The following RAPH1 variants were observed in gnomAD, a reference collection of about 807,000 sequenced individuals.
RAPH1 encodes ras-associated and pleckstrin homology domains-containing protein 1.
A neutral mutation model predicts 88.1 loss-of-function variants in RAPH1; 18 were observed. The observed-to-expected ratio is 0.20, with a 90% CI of 0.14 to 0.30. The LOEUF (loss-of-function observed/expected upper bound fraction) is 0.30. RAPH1 is among the 10% of genes least tolerant of loss of function. RAPH1 has a pLI of 1.00. For missense variants in RAPH1, 1,448 were observed against 1,543.2 expected, an observed-to-expected ratio of 0.94 and a Z score of 1.03; for synonymous variants, 587 against 559.0, an observed-to-expected ratio of 1.05 and a Z score of -0.71.
rs746456126 is a variant in RAPH1 at position 203,440,841 on chromosome 2, C to T, written c.2349G>A (p.Val783=). 70 of 1,473,258 alleles carry T rather than the reference C, an allele frequency of 4.8e-5. No individual in the cohort carries two copies. The highest frequency in any genetic ancestry group is 6.0e-5 in the Non-Finnish European group (65 of 1,088,266). 91.3% of individuals were successfully genotyped at this position (1,473,258 alleles called of 1,614,324 possible). The change falls in exon 14 of 14, where the codon GTG becomes GTA. Residue 783 remains valine (V), a synonymous_variant. Coordinates refer to ENST00000319170, the MANE Select transcript of RAPH1 (RefSeq NM_213589.3). ...LPPQAPPKPL[V]TIPAPTSTKT... is the part of the protein sequence containing the mutation. ...TGGTGCTGGTTGGTGCGGGGATGGT[C>T]ACAAGGGGTTTTGGGGGAGCTTGGG...
At chr2:203,510,811 A>C (rs913120370) in intron 1 of RAPH1, among the ~76,000 whole-genome samples, 6 of 152,122 alleles carry the variant, frequency 3.9e-5, no homozygotes, top group African/African-American at 1.4e-4. Flanking sequence ...AAAAGAGTAA[A>C]TGTTTGGGAG....
chr2:203,505,097 T>C (rs1688921893), intron 1 of RAPH1, among the ~76,000 whole-genome samples: 1 of 152,256 alleles, frequency 6.6e-6, no homozygotes, highest in Non-Finnish European at 1.5e-5. Context: ...TTCCAGCCTC[T>C]GCCTGTTACC....
At position 203,495,356 on chromosome 2, in the gene RAPH1, GA is replaced by G; in HGVS notation, c.1-4del. ...TCTTCATCTGATAGCTGCTCCATCTGAAATACAGACATTTGTGTAGAATGAA... is the reference window on the plus strand; with the variant it reads ...TCTTCATCTGATAGCTGCTCCATCTGAATACAGACATTTGTGTAGAATGAA... On this transcript the variant is annotated splice_region_variant and splice_polypyrimidine_tract_variant and intron_variant, in intron 1 of 13. Transcript: ENST00000319170. 6.2e-7 allele frequency: 1 copy of G among 1,613,730 alleles called. No homozygotes were observed. Among genetic ancestry groups the G allele is most frequent in the Non-Finnish European group, 8.5e-7 (1 of 1,179,918 alleles).
intron 1 of RAPH1, among the ~76,000 whole-genome samples, chr2:203,513,771 G>T (rs1269485933): frequency 6.8e-6 from 1 of 147,064 alleles, no homozygotes; most frequent in Admixed American, 6.8e-5. Flanking sequence ...GGAGGTAGAG[G>T]TTGCAGTGAG....
Position 203,495,285 on chromosome 2 carries a change from G to T in RAPH1, c.69C>A (p.Asp23Glu). 6.2e-7 allele frequency: 1 copy of T among 1,614,026 alleles called. No homozygotes were observed. Reference protein sequence around the residue: ...AEEDSDKEDQDLDKMFGAWLG... With the variant: ...AEEDSDKEDQELDKMFGAWLG... ...GCCAGGCTCCAAACATTTTGTCCAG[G>T]TCCTGATCTTCCTTGTCACTGTCTT... Residue 23 changes from aspartate to glutamate, a missense_variant, in exon 2 of 14, where the codon GAC (aspartate) becomes GAA (glutamate). By Grantham distance (45) the Asp-to-Glu change is conservative. Around this residue, in one of 2 missense-constraint regions of RAPH1, gnomAD observed 513 missense variants for 653.1 expected, o/e 0.79. Transcript: ENST00000319170.
At chr2:203,481,568 A>T (rs1687720589) in intron 4 of RAPH1, among the ~76,000 whole-genome samples, 1 of 138,122 alleles carries the variant, frequency 7.2e-6, no homozygotes. Context: ...TAAATAGATG[A>T]ATATATATAT....
At chr2:203,477,103 G>T in intron 4 of RAPH1, 2 of 1,613,892 alleles carry the variant, frequency 1.2e-6, no homozygotes, top group Non-Finnish European at 1.7e-6. Context: ...GTTCTTCTGT[G>T]AAGTCAATAT....
At chr2:203,444,062 G>T in intron 13 of RAPH1, 1 of 142,024 alleles carries the variant, frequency 7.0e-6, no homozygotes. Context: ...AGAGAAGGAA[G>T]GGGAGGGAGG....
rs1204941259 is a variant in RAPH1 at position 203,495,227 on chromosome 2, T to C, written c.120+7A>G. 2.5e-6 allele frequency: 4 copies of C among 1,613,832 alleles called. No homozygotes were observed. Among genetic ancestry groups the C allele is most frequent in the Non-Finnish European group, 3.4e-6 (4 of 1,179,948 alleles). On this transcript the variant is annotated splice_region_variant and intron_variant, in intron 2 of 13. Transcript: ENST00000319170. The stretch of plus-strand genomic sequence containing the variant: ...AATCCTCAACCAGTTTTTCAAGCAC[T>C]ACTCACCTGAGTGAGTTTGTCTAGT...
At chr2:203,464,854 C>T (rs1033220394) in intron 4 of RAPH1, among the ~76,000 whole-genome samples, 1 of 151,924 alleles carries the variant, frequency 6.6e-6, no homozygotes, top group South Asian at 2.1e-4. Flanking sequence ...GAAAAGATAC[C>T]TCACTAAAGA....
chr2:203,437,691 TG>T lies in RAPH1; in HGVS notation c.*1745del, dbSNP rs1297408486. On this transcript the variant is annotated 3_prime_UTR_variant, in exon 14 of 14. Coordinates refer to ENST00000319170, the MANE Select transcript of RAPH1 (RefSeq NM_213589.3). The stretch of plus-strand genomic sequence containing the variant: ...TTTACGATGCGGTTTTCGTGGAGTG[TG>T]GGTTATGCAAGACCTTGAGTATACT... The T allele has an allele frequency of 1.3e-5, 2 of 154,264 alleles. No homozygotes were observed. The highest frequency in any genetic ancestry group is 4.8e-5 in the African/African-American group (2 of 41,450). The allele number at this position is 154,264 out of a possible 1,614,324, so 9.6% of individuals were successfully genotyped here.
chr2:203,532,870 A>T (rs1690449262), intron 1 of RAPH1, among the ~76,000 whole-genome samples: 1 of 152,116 alleles, frequency 6.6e-6, no homozygotes, highest in South Asian at 2.1e-4. Flanking sequence ...ACTAATATTA[A>T]TTTTCCTAAA....
At chr2:203,495,529 T>C (rs998977000) in intron 1 of RAPH1, among the ~76,000 whole-genome samples, 176 bp from the exon 2 acceptor site, 10 of 152,108 alleles carry the variant, frequency 6.6e-5, no homozygotes, top group African/African-American at 2.4e-4. Context: ...CACAAGTGAG[T>C]AGAAACAAAG....
intron 4 of RAPH1, among the ~76,000 whole-genome samples, chr2:203,480,661 TC>T (rs1249371258): frequency 6.6e-6 from 1 of 152,226 alleles, no homozygotes; most frequent in Non-Finnish European, 1.5e-5. Context: ...ATAAAACACT[TC>T]CTTGTGATAG....
chr2:203,529,686 A>G (rs1483538077), intron 1 of RAPH1, among the ~76,000 whole-genome samples: 1 of 152,112 alleles, frequency 6.6e-6, no homozygotes, highest in Non-Finnish European at 1.5e-5. Context: ...CCATTGCAAA[A>G]TTGACTTAAG....
intron 1 of RAPH1, among the ~76,000 whole-genome samples, chr2:203,519,174 AC>A (rs1185785475): frequency 2.7e-5 from 4 of 150,682 alleles, no homozygotes; most frequent in Non-Finnish European, 4.4e-5. Context: ...TAATACCAAA[AC>A]CAGAGAAAGA....
chr2:203,488,618 A>C (rs13031330), intron 4 of RAPH1, among the ~76,000 whole-genome samples: 30 of 141,038 alleles, frequency 2.1e-4, no homozygotes, highest in Non-Finnish European at 2.2e-4. Flanking sequence ...AAAAAAAAAA[A>C]CCTGTTTATG....
At chr2:203,494,749 C>T (rs997908855) in intron 2 of RAPH1, among the ~76,000 whole-genome samples, 11 of 144,802 alleles carry the variant, frequency 7.6e-5, no homozygotes, top group Non-Finnish European at 1.3e-4. Flanking sequence ...ACGGAGCTTG[C>T]GGTGAGCCAA....
chr2:203,483,116 G>A (rs1196735046), intron 4 of RAPH1, among the ~76,000 whole-genome samples: 9 of 152,188 alleles, frequency 5.9e-5, no homozygotes, highest in Non-Finnish European at 1.2e-4. Flanking sequence ...GATCAGGCAA[G>A]GCTTTATAGG....
Sources: gnomAD v4.1 joint callset for allele counts (sites outside exome capture counted in the v4.1 genomes callset) on GRCh38, gnomAD v4.1.1 for gene constraint, gnomAD v4.1.1 regional missense constraint, MANE v1.5 for transcripts, NCBI Gene and HGNC (gene_info 2026-07-23, HGNC 2026-07-21) for gene names.